The following EML6 variants were observed in gnomAD, a reference collection of about 807,000 sequenced individuals.
EML6 encodes EMAP like 6, also known as echinoderm microtubule-associated protein-like 6.
EML6 carries 154 observed loss-of-function variants against 240.1 expected under a neutral mutation model. The observed-to-expected ratio is 0.64, with a 90% CI of 0.56 to 0.73. The LOEUF is 0.73. EML6 is among the 30% of genes least tolerant of loss of function. The pLI is 0.00. For missense variants in EML6, 2,964 were observed against 2,474.6 expected, an observed-to-expected ratio of 1.20 and a Z score of -4.20; for synonymous variants, 1,148 against 899.0, an observed-to-expected ratio of 1.28 and a Z score of -4.95.
chr2:54,790,759 T>C (rs1258651315), intron 2 of EML6, among the ~76,000 whole-genome samples: 5 of 141,368 alleles, frequency 3.5e-5, no homozygotes, highest in Non-Finnish European at 7.6e-5. Context: ...GGAGTTACGC[T>C]CTGTCGCCCA....
At chr2:54,956,073 A>G (rs1261210202) in intron 32 of EML6, among the ~76,000 whole-genome samples, 1 of 152,162 alleles carries the variant, frequency 6.6e-6, no homozygotes, top group Non-Finnish European at 1.5e-5. Context: ...TGAGCTTATT[A>G]CATAAAATCC....
Position 54,891,091 on chromosome 2 carries a change from C to A in EML6, c.2476C>A (p.Pro826Thr). 2 of 1,510,842 alleles carry A rather than the reference C, an allele frequency of 1.3e-6. No homozygotes were observed. Among genetic ancestry groups the A allele is most frequent in the Non-Finnish European group, 1.8e-6 (2 of 1,115,714 alleles). The allele number at this position is 1,510,842 out of a possible 1,614,324, so 93.6% of individuals were successfully genotyped here. A position where few individuals can be genotyped will look rare whatever the true frequency, so the allele number is the denominator to read the frequency against. ...KDKIFVVKCN[P>T]HHVDKLVTVG... is the part of the protein sequence containing the mutation. ...TAAGATATTTGTGGTAAAGTGTAAC[C>A]CACACCATGTTGACAAACTGGTTAC... The change falls in exon 18 of 42, where the codon CCA (proline) becomes ACA (threonine). Residue 826 changes from proline (P) to threonine (T), a missense_variant. Transcript: ENST00000356458.
At chr2:54,798,122 CAT>C (rs1419717321) in intron 2 of EML6, among the ~76,000 whole-genome samples, 1 of 152,072 alleles carries the variant, frequency 6.6e-6, no homozygotes. Context: ...AATCCATAAA[CAT>C]AATATCTCTT....
At chr2:54,967,930 C>G (rs1014372828) in intron 39 of EML6, among the ~76,000 whole-genome samples, 198 bp from the exon 40 acceptor site, 1 of 152,140 alleles carries the variant, frequency 6.6e-6, no homozygotes, top group African/African-American at 2.4e-5. Flanking sequence ...GGTGGTAATG[C>G]TCCGCCACCA....
intron 2 of EML6, among the ~76,000 whole-genome samples, chr2:54,767,925 G>T (rs770689634): frequency 2.0e-5 from 3 of 152,054 alleles, no homozygotes; most frequent in Non-Finnish European, 4.4e-5. Flanking sequence ...CCAGCCAGAA[G>T]AAGTACTTTT....
intron 2 of EML6, among the ~76,000 whole-genome samples, chr2:54,782,449 T>C (rs1038048435): frequency 1.3e-5 from 2 of 152,192 alleles, no homozygotes; most frequent in Non-Finnish European, 2.9e-5. Flanking sequence ...TTTTCCTAAA[T>C]TGGGGCTATT....
In EML6 at chr2:54,769,537, C is replaced by T. The variant is rs539183497; in HGVS notation, c.198-43695C>T. Among the ~76,000 whole-genome samples, 58 of 150,448 alleles carry T rather than the reference C, an allele frequency of 3.9e-4. 1 individual carries two copies. In the South Asian group the frequency reaches 0.011, roughly 29 times the overall value. On this transcript the variant is annotated intron_variant, in intron 2 of 41. Coordinates refer to ENST00000356458, the MANE Select transcript of EML6 (RefSeq NM_001039753.4). The stretch of plus-strand genomic sequence containing the variant: ...CCCCAGCCACCCCAACTCTCACTCT[C>T]CTACGGCAGCCAGTATAAGCAAAAT...
At chr2:54,843,267 A>G (rs1439821714) in intron 7 of EML6, among the ~76,000 whole-genome samples, 1 of 152,190 alleles carries the variant, frequency 6.6e-6, no homozygotes, top group Non-Finnish European at 1.5e-5. Context: ...TGTCTCTAGA[A>G]AGAAAAAAAA....
At chr2:54,831,303 G>A (rs778024631) in intron 7 of EML6, among the ~76,000 whole-genome samples, 16 of 152,174 alleles carry the variant, frequency 1.1e-4, no homozygotes, top group Admixed American at 1.0e-3. Flanking sequence ...ACATAATTAA[G>A]GCATAAATTT....
In EML6 at chr2:54,844,379, G is replaced by A. The variant is rs527635515; in HGVS notation, c.1049+131G>A. On this transcript the variant is annotated intron_variant, in intron 8 of 41. Transcript: ENST00000356458. ...TCCAAATGAAACGTTAAGACATTTAGCTCATCAAGTGGGTTTTTGGCATTT... is the reference window on the plus strand; with the variant it reads ...TCCAAATGAAACGTTAAGACATTTAACTCATCAAGTGGGTTTTTGGCATTT... 3.3e-4 allele frequency: 235 copies of A among 705,094 alleles called. 3 individuals carry two copies. In the South Asian group the frequency reaches 4.2e-3, roughly 13 times the overall value. The allele number at this position is 705,094 out of a possible 1,614,324, so 43.7% of individuals were successfully genotyped here.
intron 20 of EML6, 50 bp from the exon 21 acceptor site, chr2:54,895,223 A>T: frequency 6.5e-7 from 1 of 1,544,474 alleles, no homozygotes; most frequent in Non-Finnish European, 8.8e-7. Flanking sequence ...ATTTATACTA[A>T]TAAGCAGTTG....
intron 7 of EML6, among the ~76,000 whole-genome samples, chr2:54,834,540 T>C (rs1295836303): frequency 6.6e-6 from 1 of 152,236 alleles, no homozygotes; most frequent in African/African-American, 2.4e-5. Flanking sequence ...AAGTGCCAGA[T>C]ACGTGCCTAG....
Position 54,962,635 on chromosome 2 carries a change from C to A in EML6, c.5081C>A (p.Ala1694Asp), listed in dbSNP as rs893707505. ...ATGGAAGGGGAGATCTGGGGCCTGG[C>A]CACTCACCCTTCCAAGGACCTCTTC... ...GHMEGEIWGL[A>D]THPSKDLFIS... Residue 1694 changes from alanine (A) to aspartate (D), a missense_variant, in exon 36 of 42, where the codon GCC becomes GAC. Ala to Asp is a moderately radical substitution (Grantham distance 126). Transcript: ENST00000356458. The A allele has an allele frequency of 6.5e-7, 1 of 1,544,142 alleles. No homozygotes were observed. Among genetic ancestry groups the A allele is most frequent in the Non-Finnish European group, 8.7e-7 (1 of 1,143,680 alleles).
intron 2 of EML6, among the ~76,000 whole-genome samples, chr2:54,731,406 G>C (rs1328551295): frequency 2.0e-5 from 3 of 152,174 alleles, no homozygotes; most frequent in African/African-American, 4.8e-5. Context: ...TTGGGAGGCT[G>C]AGGTGGGAGG....
At position 54,771,269 on chromosome 2, in the gene EML6, T is replaced by C. The variant is rs370677472; in HGVS notation, c.198-41963T>C. ...TGGACTGGCTAGATGAAGTGTCCCT[T>C]GGTATTCTGTTCCAATTCTTTCTTT... On this transcript the variant is annotated intron_variant, in intron 2 of 41. Transcript: ENST00000356458. 2.6e-4 allele frequency among the ~76,000 whole-genome samples: 40 copies of C among 152,296 alleles called. No individual in the cohort carries two copies. The South Asian group carries it at 3.1e-3, about 12-fold the overall frequency.
chr2:54,922,946 T>G (rs1236482579), intron 26 of EML6, among the ~76,000 whole-genome samples: 1 of 147,222 alleles, frequency 6.8e-6, no homozygotes, highest in Admixed American at 6.7e-5. Flanking sequence ...TTTTTTTTTT[T>G]TTTTTTTTTT....
At chr2:54,823,870 C>CTCTCTCTCTCTCTCTCTCTCTT (rs70944189) in intron 5 of EML6, among the ~76,000 whole-genome samples, 1 of 146,494 alleles carries the variant, frequency 6.8e-6, no homozygotes, top group African/African-American at 2.6e-5. Context: ...CTCTCTCTCT[C>CTCTCTCTCTCTCTCTCTCTCTT]TCTCTCTTTC....
At position 54,950,632 on chromosome 2, in the gene EML6, C is replaced by T. The variant is rs1233182279; in HGVS notation, c.4084-18C>T. The T allele has an allele frequency of 6.4e-7, 1 of 1,551,160 alleles. No homozygotes were observed. Among genetic ancestry groups the T allele is most frequent in the Admixed American group, 2.0e-5 (1 of 50,956 alleles). On this transcript the variant is annotated intron_variant, in intron 29 of 41. Transcript: ENST00000356458. ...TCCTTCCTCTGAGGGTCACATTGAT[C>T]TGTGTGTGTGAATGCAGGAGCTGGC...
intron 17 of EML6, among the ~76,000 whole-genome samples, chr2:54,883,544 A>G (rs1202373813): frequency 6.6e-6 from 1 of 152,172 alleles, no homozygotes; most frequent in Non-Finnish European, 1.5e-5. Context: ...GGCCTCTGGA[A>G]GAGGCTCCTT....
Sources: allele counts gnomAD v4.1 joint callset (sites outside exome capture counted in the v4.1 genomes callset), GRCh38; gene constraint gnomAD v4.1.1; transcripts MANE v1.5; gene names NCBI Gene and HGNC (gene_info 2026-07-23, HGNC 2026-07-21).